The following TECPR1 variants were observed in gnomAD, a reference collection of about 807,000 sequenced individuals.
The protein encoded by TECPR1 is tectonin beta-propeller repeat-containing protein 1.
Under a neutral mutation model 162.4 loss-of-function variants are expected in TECPR1, and 122 were observed. The ratio of observed to expected loss-of-function variants is 0.75; its 90% CI spans 0.65 to 0.87. The LOEUF (loss-of-function observed/expected upper bound fraction) is 0.87. Among genes scored for constraint, TECPR1 ranks in the 40% least tolerant of loss-of-function variants. The pLI is 0.00. For synonymous variants in TECPR1, 642 were observed against 670.6 expected, an observed-to-expected ratio of 0.96 and a Z score of 0.66; for missense variants, 1,432 against 1,618.2, an observed-to-expected ratio of 0.88 and a Z score of 1.97.
intron 23 of TECPR1, among the ~76,000 whole-genome samples, 176 bp downstream of exon 23, chr7:98,221,485 T>G (rs1798138165): frequency 1.1e-5 from 1 of 90,318 alleles, no homozygotes; most frequent in East Asian, 5.9e-4. Flanking sequence ...AATTAAAGTT[T>G]TTTTTTTTTT....
intron 9 of TECPR1, 53 bp from the exon 10 acceptor site, chr7:98,236,974 T>C (rs1364807448): frequency 2.0e-6 from 3 of 1,471,892 alleles, no homozygotes; most frequent in Non-Finnish European, 2.7e-6. Context: ...CCGGGGGCTC[T>C]TCTCGCTTCC....
chr7:98,226,066 A>G (rs1375479782), intron 17 of TECPR1, among the ~76,000 whole-genome samples: 3 of 152,144 alleles, frequency 2.0e-5, no homozygotes, highest in Non-Finnish European at 2.9e-5. Flanking sequence ...TGGGGCACGC[A>G]TTTGTGTTGA....
At position 98,233,594 on chromosome 7, in the gene TECPR1, C is replaced by G. The variant is rs771499206; in HGVS notation, c.1499G>C (p.Ser500Thr). The G allele has an allele frequency of 6.3e-7, 1 of 1,590,738 alleles. No individual in the cohort carries two copies. Among genetic ancestry groups the G allele is most frequent in the Non-Finnish European group, 8.5e-7 (1 of 1,170,580 alleles). ...CTCGGGGAAGCCAGCGGCCGAGTGG[C>G]TGGGCACTTTCTTGGCCTCCTTGAG... ...IDLKEAKKVP[S>T]HSAAGFPETT... Residue 500 changes from serine to threonine, a missense_variant, in exon 11 of 26, where the codon AGC becomes ACC. Ser to Thr is a moderately conservative substitution (Grantham distance 58). Transcript: ENST00000447648.
At position 98,233,832 on chromosome 7, in the gene TECPR1, C is replaced by A; in HGVS notation, c.1261G>T (p.Glu421Ter). 2 of 1,593,824 alleles carry A rather than the reference C, an allele frequency of 1.3e-6. No individual in the cohort carries two copies. The highest frequency in any genetic ancestry group is 4.6e-5 in the East Asian group (2 of 43,920). The change falls in exon 11 of 26, where the codon GAG becomes TAG. Residue 421 changes from glutamate (E) to a stop codon, truncating the protein, a stop_gained. Transcript: ENST00000447648. LOFTEE classifies it high-confidence loss of function. ...AGAATCTGGCCAGGCCCTGGTCTCTCGACTTCCGAGGAGGCATCGGTGTCG... is the reference window on the plus strand; with the variant it reads ...AGAATCTGGCCAGGCCCTGGTCTCTAGACTTCCGAGGAGGCATCGGTGTCG... ...PSDTDASSEV[E>*]RPGPGQILPA...
chr7:98,234,537 C>T (rs1051322192), intron 10 of TECPR1, among the ~76,000 whole-genome samples: 6 of 152,102 alleles, frequency 3.9e-5, no homozygotes, highest in Non-Finnish European at 8.8e-5. Context: ...TTTCAAGCCT[C>T]TTGGATATAC....
intron 22 of TECPR1, 37 bp from the exon 23 acceptor site, chr7:98,221,790 T>G (rs777707827): frequency 2.5e-6 from 4 of 1,578,736 alleles, no homozygotes; most frequent in East Asian, 4.5e-5. Flanking sequence ...CGCTGCCTTC[T>G]CCTCCTTGCA....
intron 23 of TECPR1, among the ~76,000 whole-genome samples, chr7:98,218,790 T>C (rs1249185806): frequency 6.6e-6 from 1 of 152,134 alleles, no homozygotes; most frequent in Admixed American, 6.5e-5. Context: ...GAAGAATCAA[T>C]ATCATGAAAA....
chr7:98,227,087 C>G (rs961418603), intron 17 of TECPR1, among the ~76,000 whole-genome samples: 1 of 152,128 alleles, frequency 6.6e-6, no homozygotes, highest in Admixed American at 6.5e-5. Flanking sequence ...TAAAAGATGT[C>G]AAAGCTCCAG....
intron 17 of TECPR1, 97 bp from the exon 18 acceptor site, chr7:98,225,199 CCA>C: frequency 8.3e-7 from 1 of 1,202,318 alleles, no homozygotes; most frequent in Non-Finnish European, 1.2e-6. Context: ...GCACCGAGCT[CCA>C]GTCTCAGAGC....
At position 98,240,971 on chromosome 7, in the gene TECPR1, C is replaced by G. The variant is rs1198092681; in HGVS notation, c.833-20G>C. The G allele has an allele frequency of 3.8e-6, 6 of 1,591,898 alleles. No individual in the cohort carries two copies. In the South Asian group the frequency reaches 6.9e-5, roughly 18 times the overall value. On this transcript the variant is annotated intron_variant, in intron 7 of 25. Transcript: ENST00000447648. Reference sequence around the variant, plus strand: ...AACTTCCTACCGGGCCCCCAAGAAACCCCCAGTGGCCCCCATCAGCCTGGA... The same window carrying G: ...AACTTCCTACCGGGCCCCCAAGAAAGCCCCAGTGGCCCCCATCAGCCTGGA...
chr7:98,223,817 G>A, intron 19 of TECPR1, 99 bp from the exon 20 acceptor site: 1 of 1,346,022 alleles, frequency 7.4e-7, no homozygotes, highest in Non-Finnish European at 1.1e-6. Context: ...TACAGGGCAT[G>A]GGGACTGGGT....
Position 98,231,388 on chromosome 7 carries a change from G to A in TECPR1, c.1975-15C>T, listed in dbSNP as rs1215442847. Reference sequence around the variant, plus strand: ...ATGTGGATGTACTGTTCACAGAACAGGCGCCCGGCAGGGCTGTCACCCAGG... The same window carrying A: ...ATGTGGATGTACTGTTCACAGAACAAGCGCCCGGCAGGGCTGTCACCCAGG... On this transcript the variant is annotated splice_polypyrimidine_tract_variant and intron_variant, in intron 13 of 25. Coordinates refer to ENST00000447648, the MANE Select transcript of TECPR1 (RefSeq NM_015395.3). 9.5e-6 allele frequency: 15 copies of A among 1,583,160 alleles called. No homozygotes were observed. The highest frequency in any genetic ancestry group is 1.2e-5 in the Non-Finnish European group (14 of 1,164,846).
intron 17 of TECPR1, among the ~76,000 whole-genome samples, chr7:98,227,484 G>A (rs989219471): frequency 2.0e-5 from 3 of 151,894 alleles, no homozygotes; most frequent in Non-Finnish European, 4.4e-5. Context: ...TATTAAGAAG[G>A]AATTACATAC....
At chr7:98,223,271 G>T in intron 20 of TECPR1, 101 bp from the exon 21 acceptor site, 1 of 1,271,846 alleles carries the variant, frequency 7.9e-7, no homozygotes, top group Non-Finnish European at 1.1e-6. Context: ...AGCCAACCCC[G>T]GGGCGGGTAG....
chr7:98,236,914 C>T lies in TECPR1; in HGVS notation c.1043G>A (p.Gly348Asp), dbSNP rs1182830421. 5 of 1,556,046 alleles carry T rather than the reference C, an allele frequency of 3.2e-6. No homozygotes were observed. Among genetic ancestry groups the T allele is most frequent in the Admixed American group, 1.9e-5 (1 of 52,984 alleles). The change falls in exon 10 of 26, where the codon GGC becomes GAC. Residue 348 changes from glycine to aspartate, a missense_variant. Physicochemically the swap from Gly to Asp is moderately conservative, Grantham distance 94. Transcript: ENST00000447648. ...CACGGCTCGGTCCTCACAGCCAATG[C>T]CCCACACCTGGAAGAGAGAGGCTGT... ...VNVGMNDQVW[G>D]IGCEDRAVYF...
intron 25 of TECPR1, 76 bp from the exon 26 acceptor site, chr7:98,217,579 CT>C: frequency 6.5e-7 from 1 of 1,539,424 alleles, no homozygotes; most frequent in Middle Eastern, 1.9e-4. Context: ...GGGGGCCTCC[CT>C]GCAACCCAGA....
chr7:98,238,684 G>C, intron 8 of TECPR1, 74 bp from the exon 9 acceptor site: 1 of 1,214,158 alleles, frequency 8.2e-7, no homozygotes, highest in East Asian at 2.5e-5. Context: ...TAAGCCTCAG[G>C]GAGAACAAGT....
intron 20 of TECPR1, among the ~76,000 whole-genome samples, chr7:98,223,402 G>A (rs2116541570): frequency 6.6e-6 from 1 of 151,016 alleles, no homozygotes; most frequent in African/African-American, 2.4e-5. Flanking sequence ...CAGGTGGAGT[G>A]TGCCAGTGAC....
Position 98,222,489 on chromosome 7 carries a change from C to A in TECPR1, c.2961G>T (p.Gln987His). 1 of 1,592,048 alleles carries A rather than the reference C, an allele frequency of 6.3e-7. No individual in the cohort carries two copies. The highest frequency in any genetic ancestry group is 1.1e-5 in the South Asian group (1 of 87,460). ...GSSWLHVGTD[Q>H]PFASISIGAC... Reference sequence around the variant, plus strand: ...CCCCGATGGAGATGGAGGCGAAGGGCTGGTCGGTGCCAACGTGCAGCCAGG... The same window carrying A: ...CCCCGATGGAGATGGAGGCGAAGGGATGGTCGGTGCCAACGTGCAGCCAGG... Residue 987 changes from glutamine (Q) to histidine (H), a missense_variant, in exon 22 of 26, where the codon CAG becomes CAT. Transcript: ENST00000447648.
Sources: gnomAD v4.1 joint callset for allele counts (sites outside exome capture counted in the v4.1 genomes callset) on GRCh38, gnomAD v4.1.1 for gene constraint, MANE v1.5 for transcripts, NCBI Gene and HGNC (gene_info 2026-07-23, HGNC 2026-07-21) for gene names.